Variants in PTGFRN observed in about 807,000 individuals in gnomAD.
PTGFRN encodes the protein prostaglandin F2 receptor inhibitor, also known as prostaglandin F2 receptor negative regulator.
Under a neutral mutation model 83.2 loss-of-function variants are expected in PTGFRN, and 35 were observed. The observed-to-expected ratio is 0.42, with a 90% CI of 0.32 to 0.56. PTGFRN has a LOEUF of 0.56. Among genes scored for constraint, PTGFRN ranks in the 20% least tolerant of loss-of-function variants. The pLI is 0.11. For missense variants in PTGFRN, 1,051 were observed against 1,179.5 expected, an observed-to-expected ratio of 0.89 and a Z score of 1.60; for synonymous variants, 519 against 498.6, an observed-to-expected ratio of 1.04 and a Z score of -0.55.
chr1:116,948,365 A>G (rs990470849), intron 3 of PTGFRN, among the ~76,000 whole-genome samples: 6 of 152,206 alleles, frequency 3.9e-5, no homozygotes, highest in Non-Finnish European at 7.3e-5. Flanking sequence ...AATATAGTCT[A>G]CTTTTAATTA....
Position 116,949,253 on chromosome 1 carries a change from C to G in PTGFRN, c.894C>G (p.Thr298=). The change falls in exon 4 of 9, where the codon ACC becomes ACG. Residue 298 remains threonine, a synonymous_variant. Transcript: ENST00000393203. The part of the protein sequence containing the change: ...SVAEGKELDL[T]CNITTDRADD... ...CTGAAGGAAAGGAACTGGACCTGAC[C>G]TGTAACATCACAACAGACCGAGCCG... is the stretch of plus-strand genomic sequence containing the variant. 1 of 1,613,872 alleles carries G rather than the reference C, an allele frequency of 6.2e-7. No homozygotes were observed.
chr1:116,922,252 A>G (rs886541110), intron 1 of PTGFRN, among the ~76,000 whole-genome samples: 2 of 152,232 alleles, frequency 1.3e-5, no homozygotes, highest in Non-Finnish European at 2.9e-5. Flanking sequence ...GTTTCTTATA[A>G]GAAAAACAAC....
At chr1:116,972,504 ATAGCCC>A (rs1651031683) in intron 6 of PTGFRN, among the ~76,000 whole-genome samples, 2 of 152,350 alleles carry the variant, frequency 1.3e-5, no homozygotes, top group Admixed American at 6.5e-5. Flanking sequence ...AAATGAAAAT[ATAGCCC>A]TTTCATCATG....
rs1376837392 is a variant in PTGFRN at position 116,923,134 on chromosome 1, C to T, written c.49+12882C>T. Among the ~76,000 whole-genome samples, 1 of 152,146 alleles carries T rather than the reference C, an allele frequency of 6.6e-6. No individual in the cohort carries two copies. The highest frequency in any genetic ancestry group is 1.5e-5 in the Non-Finnish European group (1 of 68,028). ...GTGTGTCTCACCCAACCGTAAGCAG[C>T]TCGAAAGCAGGATCATGTCTGTTTT... On this transcript the variant is annotated intron_variant, in intron 1 of 8. Coordinates refer to ENST00000393203, the MANE Select transcript of PTGFRN (RefSeq NM_020440.4). The surrounding 1 kb of genome is among the most constrained non-coding windows in gnomAD (Gnocchi z 4.0).
rs750773111 is a variant in PTGFRN at position 116,989,493 on chromosome 1, C to A, written c.*2526C>A. On this transcript the variant is annotated 3_prime_UTR_variant, in exon 9 of 9. Transcript: ENST00000393203. ...GACAAGTGCTCTTCTAGAACAGGTT[C>A]CTACCAGCAGCACTGGTGTGAATGA... The A allele has an allele frequency of 6.6e-6, 1 of 152,588 alleles. No individual in the cohort carries two copies. Among genetic ancestry groups the A allele is most frequent in the Non-Finnish European group, 1.5e-5 (1 of 68,042 alleles). 9.5% of individuals were successfully genotyped at this position (152,588 alleles called of 1,614,324 possible). A position where few individuals can be genotyped will look rare whatever the true frequency, so the allele number is the denominator to read the frequency against.
At chr1:116,931,541 C>T (rs2491113) in intron 1 of PTGFRN, among the ~76,000 whole-genome samples, 21,836 of 149,078 alleles carry the variant, frequency 0.15, 2,787 homozygotes, top group African/African-American at 0.35. Context: ...CTAGTAGAAC[C>T]TTATTTGCTT....
At chr1:116,957,949 C>CT (rs139160892) in intron 4 of PTGFRN, among the ~76,000 whole-genome samples, 36 of 147,586 alleles carry the variant, frequency 2.4e-4, no homozygotes, top group South Asian at 8.7e-4. Flanking sequence ...GGATTTTGTT[C>CT]TTTTTTTTTT....
chr1:116,914,962 A>G (rs1043561337), intron 1 of PTGFRN, among the ~76,000 whole-genome samples: 9 of 152,132 alleles, frequency 5.9e-5, no homozygotes, highest in African/African-American at 2.2e-4. Context: ...ACATTCTGGT[A>G]TTTATTCCTC....
rs141796902 is a variant in PTGFRN, at chr1:116,985,470, G to A, written c.2473+485G>A. On this transcript the variant is annotated intron_variant, in intron 8 of 8. Coordinates refer to ENST00000393203, the MANE Select transcript of PTGFRN (RefSeq NM_020440.4). The stretch of plus-strand genomic sequence containing the variant: ...CCCCAGCACTTTGGGAGGCCGAGGC[G>A]GGCGGATCATGAGGTCAGGAGTTCG... Among the ~76,000 whole-genome samples the A allele has an allele frequency of 5.9e-3, 893 of 152,122 alleles. 9 individuals carry two copies. The highest frequency in any genetic ancestry group is 0.021 in the African/African-American group (863 of 41,514).
rs1464874378 is a variant in PTGFRN at position 116,952,177 on chromosome 1, T to C, written c.1213+2605T>C. On this transcript the variant is annotated intron_variant, in intron 4 of 8. Transcript: ENST00000393203. The surrounding 1 kb of genome is among the most constrained non-coding windows in gnomAD (Gnocchi z 4.0). ...GCATTAAATGTTCAATGTGAAAATA[T>C]TTTTGGCCTTGGGACTCAGCTTCAT... Among the ~76,000 whole-genome samples, 3 of 152,184 alleles carry C rather than the reference T, an allele frequency of 2.0e-5. No homozygotes were observed. Among genetic ancestry groups the C allele is most frequent in the South Asian group, 4.1e-4 (2 of 4,832 alleles).
chr1:116,939,011 G>A (rs559253179), intron 1 of PTGFRN, among the ~76,000 whole-genome samples: 3 of 152,382 alleles, frequency 2.0e-5, no homozygotes, highest in African/African-American at 7.2e-5. Context: ...AATGCAAGAG[G>A]TGGGTTCCCA....
chr1:116,921,890 C>T (rs773861702), intron 1 of PTGFRN, among the ~76,000 whole-genome samples: 2 of 152,022 alleles, frequency 1.3e-5, no homozygotes, highest in Non-Finnish European at 2.9e-5. Flanking sequence ...GCTGGAGAGT[C>T]GGGAGCCAGG....
rs916994617 is a variant in PTGFRN at position 116,910,001 on chromosome 1, G to A, written c.-203G>A. Reference sequence around the variant, plus strand: ...GGCCCGGCCGGCTGGAGGAGGGAGGGAAGGAGGCGGGAGGGAGCGAGCGGA... The same window carrying A: ...GGCCCGGCCGGCTGGAGGAGGGAGGAAAGGAGGCGGGAGGGAGCGAGCGGA... On this transcript the variant is annotated 5_prime_UTR_variant, in exon 1 of 9. Coordinates refer to ENST00000393203, the MANE Select transcript of PTGFRN (RefSeq NM_020440.4). 4.7e-6 allele frequency: 3 copies of A among 641,998 alleles called. No homozygotes were observed. The highest frequency in any genetic ancestry group is 8.2e-6 in the Non-Finnish European group (3 of 365,276). 39.8% of individuals were successfully genotyped at this position (641,998 alleles called of 1,614,324 possible). A position where few individuals can be genotyped will look rare whatever the true frequency, so the allele number is the denominator to read the frequency against.
In PTGFRN at chr1:116,941,833, T is replaced by C. The variant is rs1196813325; in HGVS notation, c.168T>C (p.Phe56=). ...ATGATGGCCCCAGCGAGCAAAACTT[T>C]GACTGGAGCTTCTCATCTTTGGGGA... ...SDYDGPSEQN[F]DWSFSSLGSS... Residue 56 remains phenylalanine, a synonymous_variant, in exon 2 of 9, where the codon TTT becomes TTC. Transcript: ENST00000393203. This position sits in a 1 kb window ranked among gnomAD's most constrained non-coding sequence, Gnocchi z 5.0. 4.3e-6 allele frequency: 7 copies of C among 1,614,146 alleles called. No individual in the cohort carries two copies. In the Admixed American group the frequency reaches 8.3e-5, roughly 19 times the overall value.
At position 116,952,288 on chromosome 1, in the gene PTGFRN, G is replaced by A. The variant is rs1338454512; in HGVS notation, c.1213+2716G>A. Reference sequence around the variant, plus strand: ...GCTTGTGTACTGAGCTAGGTGAGGGGATTGAAGCTGATTGGGGTCTTCTAG... The same window carrying A: ...GCTTGTGTACTGAGCTAGGTGAGGGAATTGAAGCTGATTGGGGTCTTCTAG... On this transcript the variant is annotated intron_variant, in intron 4 of 8. Transcript: ENST00000393203. The surrounding 1 kb of genome is among the most constrained non-coding windows in gnomAD (Gnocchi z 4.0). Among the ~76,000 whole-genome samples, 1 of 152,136 alleles carries A rather than the reference G, an allele frequency of 6.6e-6. No individual in the cohort carries two copies. The highest frequency in any genetic ancestry group is 2.4e-5 in the African/African-American group (1 of 41,424).
chr1:116,976,521 T>C (rs1457545396), intron 7 of PTGFRN, among the ~76,000 whole-genome samples: 1 of 152,196 alleles, frequency 6.6e-6, no homozygotes, highest in African/African-American at 2.4e-5. Flanking sequence ...TAACAGCGGA[T>C]CTCTTGGCAG....
intron 1 of PTGFRN, among the ~76,000 whole-genome samples, chr1:116,930,722 G>C (rs1429064185): frequency 6.6e-6 from 1 of 152,018 alleles, no homozygotes; most frequent in Non-Finnish European, 1.5e-5. Flanking sequence ...ACCATTGATA[G>C]AGGGTCCCTG....
chr1:116,967,335 G>A lies in PTGFRN; in HGVS notation c.2059+5G>A. 1.2e-6 allele frequency: 2 copies of A among 1,605,184 alleles called. No individual in the cohort carries two copies. Among genetic ancestry groups the A allele is most frequent in the Non-Finnish European group, 8.5e-7 (1 of 1,173,282 alleles). ...AGATAGACTTCCAAACCTCAGGTGA[G>A]CAGTGAGCCCTGTTGAATCATAGGT... On this transcript the variant is annotated splice_donor_5th_base_variant and intron_variant, in intron 6 of 8. Coordinates refer to ENST00000393203, the MANE Select transcript of PTGFRN (RefSeq NM_020440.4).
At position 116,949,246 on chromosome 1, in the gene PTGFRN, A is replaced by G; in HGVS notation, c.887A>G (p.Asp296Gly). Residue 296 changes from aspartate to glycine, a missense_variant, in exon 4 of 9, where the codon GAC becomes GGC. Transcript: ENST00000393203. ...TCTGTGGCTGAAGGAAAGGAACTGG[A>G]CCTGACCTGTAACATCACAACAGAC... The part of the protein sequence containing the change: ...NVSVAEGKEL[D>G]LTCNITTDRA... 4 of 1,613,610 alleles carry G rather than the reference A, an allele frequency of 2.5e-6. No individual in the cohort carries two copies. Among genetic ancestry groups the G allele is most frequent in the Non-Finnish European group, 3.4e-6 (4 of 1,179,626 alleles).
Sources: gnomAD v4.1 joint callset for allele counts (sites outside exome capture counted in the v4.1 genomes callset) on GRCh38, gnomAD v4.1.1 for gene constraint, Gnocchi (gnomAD v3.1) non-coding constraint, MANE v1.5 for transcripts, NCBI Gene and HGNC (gene_info 2026-07-23, HGNC 2026-07-21) for gene names.